DLG2: variants seen among roughly 807,000 people sequenced by gnomAD.
DLG2 encodes disks large homolog 2.
In DLG2, 45 loss-of-function variants were observed where a neutral mutation model predicts 132.5. That is an observed-to-expected ratio of 0.34 (90% CI 0.27 to 0.44). DLG2 has a LOEUF of 0.44. Ranked by LOEUF, DLG2 falls within the 20% of genes least tolerant of loss-of-function variation. The pLI is 1.00. For missense variants in DLG2, 1,045 were observed against 1,196.9 expected, an observed-to-expected ratio of 0.87 and a Z score of 1.87; for synonymous variants, 424 against 419.6, an observed-to-expected ratio of 1.01 and a Z score of -0.13.
intron 8 of DLG2, among the ~76,000 whole-genome samples, chr11:84,218,295 A>AAG (rs112060395): frequency 0.074 from 10,416 of 140,390 alleles, 1,203 homozygotes; most frequent in African/African-American, 0.27. Flanking sequence ...GAAAGAGAGA[A>AAG]AGAGAAAGAA....
In DLG2 at chr11:85,148,635, G is replaced by C. The variant is rs191836086; in HGVS notation, c.282+5921C>G. On this transcript the variant is annotated intron_variant, in intron 5 of 27. Coordinates refer to ENST00000376104, the MANE Select transcript of DLG2 (RefSeq NM_001142699.3). ...TGTAAATTTCTTTAAGTTCCTTGTAGATTCTGGATATTAGACCTTTGTCAG... is the reference window on the plus strand; with the variant it reads ...TGTAAATTTCTTTAAGTTCCTTGTACATTCTGGATATTAGACCTTTGTCAG... Among the ~76,000 whole-genome samples, 26 of 152,244 alleles carry C rather than the reference G, an allele frequency of 1.7e-4. No homozygotes were observed. In the East Asian group the frequency reaches 3.5e-3, roughly 20 times the overall value.
intron 3 of DLG2, among the ~76,000 whole-genome samples, chr11:85,520,208 C>A (rs376211650): frequency 3.3e-5 from 5 of 151,852 alleles, no homozygotes; most frequent in East Asian, 1.9e-4. Context: ...CGATAATGAT[C>A]AAACTGAGAA....
At chr11:83,750,861 G>A (rs187378811) in intron 18 of DLG2, among the ~76,000 whole-genome samples, 12 of 152,206 alleles carry the variant, frequency 7.9e-5, no homozygotes, top group African/African-American at 2.4e-5. Context: ...CAGATATGGA[G>A]TAGACAGAGT....
intron 6 of DLG2, among the ~76,000 whole-genome samples, chr11:85,068,200 G>C (rs1484125026): frequency 6.6e-6 from 1 of 152,042 alleles, no homozygotes; most frequent in African/African-American, 2.4e-5. Flanking sequence ...ATATCATACT[G>C]AATGGCAAAA....
chr11:83,900,871 G>GA (rs1157363746), intron 15 of DLG2, among the ~76,000 whole-genome samples: 1 of 152,112 alleles, frequency 6.6e-6, no homozygotes, highest in African/African-American at 2.4e-5. Flanking sequence ...TGTGTGCCTG[G>GA]AAAAATGGCA....
At chr11:83,839,473 A>G (rs925487697) in intron 16 of DLG2, among the ~76,000 whole-genome samples, 3 of 152,200 alleles carry the variant, frequency 2.0e-5, no homozygotes, top group African/African-American at 7.2e-5. Context: ...AGAGGATCAA[A>G]GCCCTTTAAA....
chr11:85,316,700 G>T (rs866873562), intron 3 of DLG2, among the ~76,000 whole-genome samples: 3 of 151,784 alleles, frequency 2.0e-5, no homozygotes, highest in African/African-American at 4.8e-5. Context: ...TGTATACAGG[G>T]CTTCCCTATT....
At chr11:83,868,353 C>T (rs1295241041) in intron 16 of DLG2, among the ~76,000 whole-genome samples, 1 of 152,080 alleles carries the variant, frequency 6.6e-6, no homozygotes, top group Non-Finnish European at 1.5e-5. Context: ...AAGTCACAAA[C>T]ATAAATCTTT....
At chr11:85,426,109 G>T (rs918953936) in intron 3 of DLG2, among the ~76,000 whole-genome samples, 1 of 152,230 alleles carries the variant, frequency 6.6e-6, no homozygotes, top group Non-Finnish European at 1.5e-5. Flanking sequence ...CGCCATTGCC[G>T]AGGCTTGAGT....
chr11:84,378,119 C>A (rs2098736290), intron 7 of DLG2, among the ~76,000 whole-genome samples: 1 of 152,142 alleles, frequency 6.6e-6, no homozygotes, highest in African/African-American at 2.4e-5. Flanking sequence ...CTGACTGTGG[C>A]TGTATTTGGA....
chr11:83,531,165 T>A (rs1413485267), intron 21 of DLG2, among the ~76,000 whole-genome samples: 2 of 110,882 alleles, frequency 1.8e-5, no homozygotes, highest in African/African-American at 7.0e-5. Context: ...CACATTAGAC[T>A]TCACCAAAAT....
chr11:84,046,546 G>A (rs2096246854), intron 11 of DLG2, among the ~76,000 whole-genome samples: 2 of 151,446 alleles, frequency 1.3e-5, no homozygotes, highest in South Asian at 4.2e-4. Context: ...CAAATCATAT[G>A]TATATACCTT....
chr11:84,860,761 T>A (rs1367426108), intron 6 of DLG2, among the ~76,000 whole-genome samples: 1 of 151,364 alleles, frequency 6.6e-6, no homozygotes, highest in Non-Finnish European at 1.5e-5. Context: ...TGCATTAGTA[T>A]CTAATCCAGA....
intron 4 of DLG2, among the ~76,000 whole-genome samples, chr11:85,200,415 G>A (rs181678696): frequency 2.6e-5 from 4 of 152,146 alleles, no homozygotes; most frequent in South Asian, 2.1e-4. Flanking sequence ...TGCTGTTCAC[G>A]GAAGAATCCA....
intron 11 of DLG2, among the ~76,000 whole-genome samples, chr11:84,044,405 A>C (rs2096189905): frequency 6.6e-6 from 1 of 151,674 alleles, no homozygotes; most frequent in African/African-American, 2.4e-5. Context: ...AACGCATGTG[A>C]CTGGTTTACC....
At chr11:84,832,406 T>C (rs1442605564) in intron 6 of DLG2, among the ~76,000 whole-genome samples, 2 of 151,674 alleles carry the variant, frequency 1.3e-5, no homozygotes, top group Non-Finnish European at 3.0e-5. Context: ...AACAAAAGCC[T>C]GGTGCTTCTA....
chr11:83,552,291 C>G (rs938386417), intron 19 of DLG2, among the ~76,000 whole-genome samples: 1 of 152,000 alleles, frequency 6.6e-6, no homozygotes, highest in African/African-American at 2.4e-5. Context: ...TAAGGTAGGA[C>G]TCGCTGAAAA....
intron 7 of DLG2, among the ~76,000 whole-genome samples, chr11:84,298,765 T>A (rs1449713634): frequency 6.6e-6 from 1 of 151,592 alleles, no homozygotes; most frequent in African/African-American, 2.4e-5. Flanking sequence ...AGAAATAGAG[T>A]CATTACAGAG....
intron 4 of DLG2, among the ~76,000 whole-genome samples, chr11:85,181,283 G>C (rs2079682479): frequency 6.6e-6 from 1 of 151,434 alleles, no homozygotes; most frequent in Admixed American, 6.6e-5. Context: ...TATATACATA[G>C]AGGGAGAATC....
Sources: gnomAD v4.1 joint callset for allele counts (sites outside exome capture counted in the v4.1 genomes callset) on GRCh38, gnomAD v4.1.1 for gene constraint, MANE v1.5 for transcripts, NCBI Gene and HGNC (gene_info 2026-07-23, HGNC 2026-07-21) for gene names.